The following ARSB variants were observed in gnomAD, a reference collection of about 807,000 sequenced individuals.
ARSB encodes arylsulfatase B, also known as N-acetylgalactosamine-4-sulfatase.
ARSB carries 41 observed loss-of-function variants against 50.9 expected under a neutral mutation model. The observed-to-expected ratio is 0.81, with a 90% CI of 0.63 to 1.04. The LOEUF (loss-of-function observed/expected upper bound fraction) is 1.04, where lower values mean the gene tolerates loss of function less well. ARSB is among the 50% of genes least tolerant of loss of function. The pLI is 0.00. For missense variants in ARSB, 672 were observed against 693.3 expected (o/e 0.97, Z 0.35); for synonymous variants, 269 against 284.8 (o/e 0.94, Z 0.56).
At chr5:78,898,323 T>C (rs1468530444) in intron 4 of ARSB, among the ~76,000 whole-genome samples, 3 of 152,162 alleles carry the variant, frequency 2.0e-5, no homozygotes, top group African/African-American at 4.8e-5. Context: ...AATGCCTTCA[T>C]TGGCAAATTC....
intron 4 of ARSB, among the ~76,000 whole-genome samples, chr5:78,936,765 G>A (rs1296659360): frequency 6.6e-6 from 1 of 152,112 alleles, no homozygotes; most frequent in Non-Finnish European, 1.5e-5. Context: ...GTCCAAATAG[G>A]AGTCCTAACA....
intron 1 of ARSB, among the ~76,000 whole-genome samples, chr5:78,984,455 G>GA (rs1561541934): frequency 2.0e-5 from 3 of 152,098 alleles, no homozygotes; most frequent in Non-Finnish European, 4.4e-5. Flanking sequence ...TGAGAACCTG[G>GA]AAAAAAATAA....
chr5:78,787,040 T>C (rs1369258021), intron 6 of ARSB, among the ~76,000 whole-genome samples: 1 of 152,234 alleles, frequency 6.6e-6, no homozygotes, highest in East Asian at 1.9e-4. Context: ...GGTTTATTTC[T>C]GGACTCTCGA....
At chr5:78,928,262 T>A (rs1750141632) in intron 4 of ARSB, among the ~76,000 whole-genome samples, 1 of 149,948 alleles carries the variant, frequency 6.7e-6, no homozygotes, top group Non-Finnish European at 1.5e-5. Context: ...CCTCATGATG[T>A]AAGTAAGGAT....
chr5:78,786,227 T>C (rs1332470958), intron 6 of ARSB, among the ~76,000 whole-genome samples: 1 of 152,200 alleles, frequency 6.6e-6, no homozygotes, highest in East Asian at 1.9e-4. Flanking sequence ...CTGGACATTT[T>C]ATATAAATAG....
At chr5:78,983,794 G>A (rs1231429569) in intron 1 of ARSB, among the ~76,000 whole-genome samples, 1 of 152,096 alleles carries the variant, frequency 6.6e-6, no homozygotes, top group Admixed American at 6.6e-5. Context: ...CTTGATCTTA[G>A]GACCACGTGA....
intron 4 of ARSB, among the ~76,000 whole-genome samples, chr5:78,921,614 T>C (rs1749818516): frequency 6.6e-6 from 1 of 152,232 alleles, no homozygotes; most frequent in Non-Finnish European, 1.5e-5. Context: ...ATATCATGTA[T>C]CTTTTCTGAC....
intron 6 of ARSB, among the ~76,000 whole-genome samples, chr5:78,808,880 G>A (rs1339669642): frequency 1.3e-5 from 2 of 152,306 alleles, no homozygotes; most frequent in East Asian, 1.9e-4. Flanking sequence ...TGCTGGACAC[G>A]GGGTGTCTAG....
intron 4 of ARSB, among the ~76,000 whole-genome samples, chr5:78,949,892 A>C (rs1468357985): frequency 6.6e-6 from 1 of 152,226 alleles, no homozygotes; most frequent in Non-Finnish European, 1.5e-5. Flanking sequence ...CCTGAGTGAC[A>C]GAGCGAGACT....
At chr5:78,836,877 G>A (rs900350766) in intron 6 of ARSB, among the ~76,000 whole-genome samples, 24 of 152,164 alleles carry the variant, frequency 1.6e-4, no homozygotes, top group Non-Finnish European at 3.2e-4. Flanking sequence ...TTACAATCAT[G>A]ACAGAAGGTG....
At chr5:78,966,926 T>A (rs79108441) in intron 2 of ARSB, among the ~76,000 whole-genome samples, 2 of 141,808 alleles carry the variant, frequency 1.4e-5, no homozygotes. Flanking sequence ...CGGGTCCATT[T>A]AAAAAAAAAA....
intron 4 of ARSB, among the ~76,000 whole-genome samples, chr5:78,926,580 C>G (rs963707412): frequency 1.3e-5 from 2 of 152,112 alleles, no homozygotes; most frequent in Middle Eastern, 3.2e-3. Context: ...GCCTTCGAAG[C>G]CAGTTTATGA....
intron 5 of ARSB, among the ~76,000 whole-genome samples, chr5:78,868,546 C>T (rs1746934251): frequency 7.3e-6 from 1 of 136,282 alleles, no homozygotes; most frequent in East Asian, 2.0e-4. Context: ...CCCAGAATTT[C>T]ATATCCAGCC....
At chr5:78,867,851 A>G (rs1746875187) in intron 5 of ARSB, among the ~76,000 whole-genome samples, 1 of 148,036 alleles carries the variant, frequency 6.8e-6, no homozygotes, top group Admixed American at 6.8e-5. Flanking sequence ...GCTTCAGACG[A>G]TCAAATTACT....
chr5:78,791,297 AACTTTTGT>A (rs1487664581), intron 6 of ARSB, among the ~76,000 whole-genome samples: 1 of 152,234 alleles, frequency 6.6e-6, no homozygotes, highest in Non-Finnish European at 1.5e-5. Flanking sequence ...AACTATCTTC[AACTTTTGT>A]ACTTAAAAGT....
intron 6 of ARSB, among the ~76,000 whole-genome samples, chr5:78,791,471 G>C (rs1345633879): frequency 6.6e-6 from 1 of 152,236 alleles, no homozygotes; most frequent in Non-Finnish European, 1.5e-5. Context: ...CTGAAAGTGA[G>C]GTTCAAGTCA....
chr5:78,782,915 T>C (rs1219000984), intron 6 of ARSB, among the ~76,000 whole-genome samples: 2 of 152,196 alleles, frequency 1.3e-5, no homozygotes, highest in East Asian at 3.9e-4. Flanking sequence ...GGCTGGAAAT[T>C]GGACAGCAAA....
intron 5 of ARSB, among the ~76,000 whole-genome samples, chr5:78,860,029 A>G (rs779639426): frequency 6.6e-6 from 1 of 152,230 alleles, no homozygotes; most frequent in African/African-American, 2.4e-5. Context: ...ACTTAAAAAC[A>G]TAGATACTTC....
chr5:78,899,471 G>A (rs1748708520), intron 4 of ARSB, among the ~76,000 whole-genome samples: 1 of 152,052 alleles, frequency 6.6e-6, no homozygotes, highest in Non-Finnish European at 1.5e-5. Context: ...GTCTTTTGAG[G>A]TAATTTTTTA....
Sources: allele counts gnomAD v4.1 joint callset (sites outside exome capture counted in the v4.1 genomes callset), GRCh38; gene constraint gnomAD v4.1.1; transcripts MANE v1.5; gene names NCBI Gene and HGNC (gene_info 2026-07-23, HGNC 2026-07-21).